NSD3: variants seen among roughly 807,000 people sequenced by gnomAD.
NSD3 encodes nuclear receptor binding SET domain protein 3.
NSD3 carries 24 observed loss-of-function variants against 160.8 expected under a neutral mutation model. The observed-to-expected ratio is 0.15, with a 90% CI of 0.11 to 0.21. The LOEUF (loss-of-function observed/expected upper bound fraction) is 0.21. Among genes scored for constraint, NSD3 ranks in the 10% least tolerant of loss-of-function variants. NSD3 has a pLI of 1.00. For synonymous variants in NSD3, 520 were observed against 600.0 expected, an observed-to-expected ratio of 0.87 and a Z score of 1.95; for missense variants, 1,157 against 1,735.9, an observed-to-expected ratio of 0.67 and a Z score of 5.93.
chr8:38,278,223 C>T lies in NSD3; in HGVS notation c.3867+83G>A, dbSNP rs185832952. 61 of 1,249,462 alleles carry T rather than the reference C, an allele frequency of 4.9e-5. No individual in the cohort carries two copies. In the East Asian group the frequency reaches 9.7e-4, roughly 20 times the overall value. 77.4% of individuals were successfully genotyped at this position (1,249,462 alleles called of 1,614,324 possible). A position where few individuals can be genotyped will look rare whatever the true frequency, so the allele number is the denominator to read the frequency against. On this transcript the variant is annotated intron_variant, in intron 22 of 23. Transcript: ENST00000317025. ...AAAGTGCTGGGATTACAGGCATGAG[C>T]CACCGCGCCCGGCCAAACAGACTTC...
intron 1 of NSD3, among the ~76,000 whole-genome samples, chr8:38,379,670 T>C (rs1811487934): frequency 6.6e-6 from 1 of 152,234 alleles, no homozygotes; most frequent in African/African-American, 2.4e-5. Flanking sequence ...CCTAAGCTTC[T>C]GTATAACAAC....
rs139038133 is a variant in NSD3, at chr8:38,338,593, C to T, written c.690G>A (p.Arg230=). ...TTGGTTTTTCTGATACAGTGTCAAC[C>T]CTCTCATTTGGTCTCTAGGTGAAAA... The part of the protein sequence containing the change: ...EPEEQNRPNE[R]VDTVSEKPRE... The change falls in exon 3 of 24, where the codon AGG becomes AGA. Residue 230 remains arginine (R), a synonymous_variant. Transcript: ENST00000317025. The T allele has an allele frequency of 6.2e-7, 1 of 1,613,538 alleles. No homozygotes were observed. Among genetic ancestry groups the T allele is most frequent in the Non-Finnish European group, 8.5e-7 (1 of 1,179,838 alleles).
chr8:38,350,256 G>A (rs1810655767), intron 1 of NSD3, among the ~76,000 whole-genome samples: 2 of 152,088 alleles, frequency 1.3e-5, no homozygotes, highest in South Asian at 2.1e-4. Flanking sequence ...CTGAGGAATC[G>A]CCACACTGTC....
At position 38,317,598 on chromosome 8, in the gene NSD3, TAC is replaced by T; in HGVS notation, c.1855+1295_1855+1296del. On this transcript the variant is annotated intron_variant, in intron 9 of 23. Coordinates refer to ENST00000317025, the MANE Select transcript of NSD3 (RefSeq NM_023034.2). The surrounding 1 kb of genome is among the most constrained non-coding windows in gnomAD (Gnocchi z 5.3). The stretch of plus-strand genomic sequence containing the variant: ...AAGAACTTTTAATGATTGTAATGTA[TAC>T]AGTTTGGGCTGTTTGGCAAACCCCT... 9.0e-7 allele frequency: 1 copy of T among 1,106,994 alleles called. No homozygotes were observed. Among genetic ancestry groups the T allele is most frequent in the African/African-American group, 1.6e-5 (1 of 61,758 alleles). The allele number at this position is 1,106,994 out of a possible 1,614,324, so 68.6% of individuals were successfully genotyped here. A position where few individuals can be genotyped will look rare whatever the true frequency, so the allele number is the denominator to read the frequency against.
Position 38,316,997 on chromosome 8 carries a change from T to C in NSD3, c.1856-955A>G, listed in dbSNP as rs1350053837. The C allele has an allele frequency of 1.2e-5, 13 of 1,059,532 alleles. No individual in the cohort carries two copies. Among genetic ancestry groups the C allele is most frequent in the African/African-American group, 3.3e-5 (2 of 60,704 alleles). 65.6% of individuals were successfully genotyped at this position (1,059,532 alleles called of 1,614,324 possible). Reference sequence around the variant, plus strand: ...TTAATATTTCAACCCACAGTTTGTGTTTTGGATTTTTTCCCCCAAAATTTC... The same window carrying C: ...TTAATATTTCAACCCACAGTTTGTGCTTTGGATTTTTTCCCCCAAAATTTC... On this transcript the variant is annotated intron_variant, in intron 9 of 23. Coordinates refer to ENST00000317025, the MANE Select transcript of NSD3 (RefSeq NM_023034.2). This position sits in a 1 kb window ranked among gnomAD's most constrained non-coding sequence, Gnocchi z 4.5.
rs1809673994 is a variant in NSD3, at chr8:38,316,698, A to G, written c.1856-656T>C. 3 of 1,055,654 alleles carry G rather than the reference A, an allele frequency of 2.8e-6. No homozygotes were observed. Among genetic ancestry groups the G allele is most frequent in the Admixed American group, 5.4e-5 (1 of 18,376 alleles). 65.4% of individuals were successfully genotyped at this position (1,055,654 alleles called of 1,614,324 possible). A position where few individuals can be genotyped will look rare whatever the true frequency, so the allele number is the denominator to read the frequency against. ...CATTGCTGAGGGCTGTAAATGGACA[A>G]TCAGTGTTCAAGTGCAGCCAAATCA... On this transcript the variant is annotated intron_variant, in intron 9 of 23. Coordinates refer to ENST00000317025, the MANE Select transcript of NSD3 (RefSeq NM_023034.2). The surrounding 1 kb of genome is among the most constrained non-coding windows in gnomAD (Gnocchi z 4.5).
intron 2 of NSD3, among the ~76,000 whole-genome samples, chr8:38,341,796 G>C (rs1462706561): frequency 6.6e-6 from 1 of 151,632 alleles, no homozygotes; most frequent in Non-Finnish European, 1.5e-5. Context: ...TATAAAAAAA[G>C]AGCCAGGCGT....
At chr8:38,285,890 T>A (rs945568430) in intron 19 of NSD3, among the ~76,000 whole-genome samples, 3 of 151,918 alleles carry the variant, frequency 2.0e-5, no homozygotes, top group Admixed American at 2.0e-4. Flanking sequence ...CACGTCACCA[T>A]TGTCTTTCTC....
chr8:38,304,996 GT>G (rs1362441598), intron 13 of NSD3, among the ~76,000 whole-genome samples: 1 of 152,188 alleles, frequency 6.6e-6, no homozygotes, highest in African/African-American at 2.4e-5. Context: ...TGCAGAGACG[GT>G]GGTATCCAAT....
chr8:38,304,372 T>C (rs958584148), intron 14 of NSD3, among the ~76,000 whole-genome samples: 8 of 152,222 alleles, frequency 5.3e-5, no homozygotes, highest in African/African-American at 1.4e-4. Context: ...GCTTAACTTA[T>C]GGAAGAATTA....
chr8:38,283,894 G>A lies in NSD3; in HGVS notation c.3502-2311C>T, dbSNP rs1333241809. 2.6e-5 allele frequency among the ~76,000 whole-genome samples: 4 copies of A among 152,114 alleles called. No individual in the cohort carries two copies. In the East Asian group the frequency reaches 7.7e-4, roughly 29 times the overall value. On this transcript the variant is annotated intron_variant, in intron 19 of 23. Transcript: ENST00000317025. ...GAGGCAGGAGGACTGCTTGAGCCAG[G>A]AGTTTGAGATCAGCCTGGGCAACAC...
chr8:38,373,934 CAAAAAAAAA>C (rs61532119), intron 1 of NSD3, among the ~76,000 whole-genome samples: 42 of 25,150 alleles, frequency 1.7e-3, no homozygotes, highest in African/African-American at 5.1e-3. Context: ...TCTGTCTCTA[CAAAAAAAAA>C]AAAAAAAAAA....
At chr8:38,350,916 T>C (rs971060203) in intron 1 of NSD3, among the ~76,000 whole-genome samples, 1 of 152,018 alleles carries the variant, frequency 6.6e-6, no homozygotes, top group Non-Finnish European at 1.5e-5. Flanking sequence ...AATAGAAGAT[T>C]AATGGACAAT....
At chr8:38,351,798 A>T (rs913022264) in intron 1 of NSD3, among the ~76,000 whole-genome samples, 2 of 151,270 alleles carry the variant, frequency 1.3e-5, no homozygotes, top group Admixed American at 6.6e-5. Context: ...GCAGGTTCTC[A>T]CTCATAGGCG....
intron 1 of NSD3, among the ~76,000 whole-genome samples, chr8:38,363,441 G>A (rs1431782458): frequency 6.6e-6 from 1 of 151,936 alleles, no homozygotes; most frequent in East Asian, 1.9e-4. Context: ...TCAGGACTTC[G>A]AGAGCAGCCT....
In NSD3 at chr8:38,318,091, C is replaced by T; in HGVS notation, c.1855+804G>A. ...TCAGGCCTCCTAATCTCGCAGCGAT[C>T]GCGATGTCTTTTCTTGGAGCTCCGC... On this transcript the variant is annotated intron_variant, in intron 9 of 23. Coordinates refer to ENST00000317025, the MANE Select transcript of NSD3 (RefSeq NM_023034.2). The surrounding 1 kb of genome is among the most constrained non-coding windows in gnomAD (Gnocchi z 5.3). 2 of 1,604,610 alleles carry T rather than the reference C, an allele frequency of 1.2e-6. No individual in the cohort carries two copies. Among genetic ancestry groups the T allele is most frequent in the Non-Finnish European group, 8.5e-7 (1 of 1,174,450 alleles).
At chr8:38,347,059 T>C (rs1203530771) in intron 2 of NSD3, among the ~76,000 whole-genome samples, 1 of 152,194 alleles carries the variant, frequency 6.6e-6, no homozygotes, top group Non-Finnish European at 1.5e-5. Context: ...CTGATTTTAA[T>C]AAAAAGATTT....
chr8:38,337,107 A>C, intron 4 of NSD3, among the ~76,000 whole-genome samples, 198 bp downstream of exon 4: 1 of 149,902 alleles, frequency 6.7e-6, no homozygotes. Context: ...GCGCCATTGC[A>C]CTCCAGCCTG....
intron 12 of NSD3, among the ~76,000 whole-genome samples, chr8:38,307,587 A>C (rs944357412): frequency 2.0e-5 from 3 of 152,188 alleles, no homozygotes; most frequent in Admixed American, 2.0e-4. Context: ...TAAATAAACT[A>C]TGACTATATG....
Sources: gnomAD v4.1 joint callset for allele counts (sites outside exome capture counted in the v4.1 genomes callset) on GRCh38, gnomAD v4.1.1 for gene constraint, Gnocchi (gnomAD v3.1) non-coding constraint, MANE v1.5 for transcripts, NCBI Gene and HGNC (gene_info 2026-07-23, HGNC 2026-07-21) for gene names.